SLA: variants seen among roughly 807,000 people sequenced by gnomAD.
SLA encodes the protein Src like adaptor.
SLA carries 16 observed loss-of-function variants against 30.3 expected under a neutral mutation model. The observed-to-expected ratio is 0.53, with a 90% CI of 0.36 to 0.80. SLA has a LOEUF of 0.80. SLA is among the 30% of genes least tolerant of loss of function. The pLI is 0.01. For missense variants in SLA, 310 were observed against 345.2 expected, an observed-to-expected ratio of 0.90 and a Z score of 0.81; for synonymous variants, 143 against 137.8, an observed-to-expected ratio of 1.04 and a Z score of -0.26.
At chr8:133,087,964 G>T (rs764364363) in intron 1 of SLA, 1 of 152,170 alleles carries the variant, frequency 6.6e-6, no homozygotes, top group Non-Finnish European at 1.5e-5. Context: ...TGAGTGTACC[G>T]CAAATTCTTC....
intron 1 of SLA, among the ~76,000 whole-genome samples, chr8:133,080,756 C>G (rs1845620283): frequency 6.6e-6 from 1 of 152,238 alleles, no homozygotes. Context: ...TGTAGACAAG[C>G]CCCTCACCTC....
At chr8:133,096,241 T>C in intron 1 of SLA, 1 of 1,614,178 alleles carries the variant, frequency 6.2e-7, no homozygotes, top group South Asian at 1.1e-5. Context: ...ACTACTGGGG[T>C]CCTGTGATCG....
At position 133,045,061 on chromosome 8, in the gene SLA, C is replaced by T. The variant is rs374316806; in HGVS notation, c.407G>A (p.Arg136His). 1.3e-5 allele frequency: 21 copies of T among 1,614,032 alleles called. No individual in the cohort carries two copies. Among genetic ancestry groups the T allele is most frequent in the Non-Finnish European group, 1.7e-5 (20 of 1,180,022 alleles). The change falls in exon 7 of 9, where the codon CGT becomes CAT. Residue 136 changes from arginine (R) to histidine (H), a missense_variant. Arg to His is a conservative substitution (Grantham distance 29). Transcript: ENST00000338087. ...AATGTAGTACCAGTTGTTGGGCAGA[C>T]GGAAAATGCGGTAATGCTTTACCTG... is the stretch of plus-strand genomic sequence containing the variant. ...HRQVKHYRIF[R>H]LPNNWYYISP...
At chr8:133,066,750 T>C (rs928350908) in intron 2 of SLA, among the ~76,000 whole-genome samples, 7 of 152,176 alleles carry the variant, frequency 4.6e-5, no homozygotes, top group African/African-American at 1.7e-4. Context: ...ATCCACTAAT[T>C]TGGGATACAA....
chr8:133,055,835 A>G (rs951160146), intron 3 of SLA, among the ~76,000 whole-genome samples: 1 of 11,574 alleles, frequency 8.6e-5, no homozygotes. Flanking sequence ...CAGCAGCAGC[A>G]GCAGCAGCAG....
intron 3 of SLA, among the ~76,000 whole-genome samples, chr8:133,056,819 G>A (rs760709173): frequency 3.0e-4 from 46 of 152,208 alleles, no homozygotes; most frequent in Non-Finnish European, 6.2e-4. Context: ...CTCTCGTTGT[G>A]TGTCAGTGCA....
At chr8:133,054,317 A>G (rs1055531295) in intron 3 of SLA, among the ~76,000 whole-genome samples, 2 of 152,200 alleles carry the variant, frequency 1.3e-5, no homozygotes, top group African/African-American at 2.4e-5. Context: ...TGCACTGCGC[A>G]TGAAAGAAGA....
At chr8:133,049,875 T>G (rs2131211058) in intron 5 of SLA, 27 bp downstream of exon 5, 1 of 1,411,502 alleles carries the variant, frequency 7.1e-7, no homozygotes, top group Non-Finnish European at 1.0e-6. Context: ...TCATGCTTAA[T>G]TGCTGCCATT....
chr8:133,066,398 C>G (rs1024035077), intron 2 of SLA, among the ~76,000 whole-genome samples: 1 of 151,476 alleles, frequency 6.6e-6, no homozygotes, highest in Non-Finnish European at 1.5e-5. Context: ...GGAATACTAG[C>G]TGTGCTTTTA....
chr8:133,098,308 T>C (rs990502187), intron 1 of SLA, among the ~76,000 whole-genome samples: 1 of 152,238 alleles, frequency 6.6e-6, no homozygotes, highest in Non-Finnish European at 1.5e-5. Context: ...CTTGTACTAA[T>C]ACCCTGAATT....
chr8:133,087,792 G>A (rs1347168360), intron 1 of SLA: 2 of 152,200 alleles, frequency 1.3e-5, no homozygotes, highest in Non-Finnish European at 2.9e-5. Flanking sequence ...CAGGCAGCAG[G>A]AGGTACCCTG....
intron 3 of SLA, among the ~76,000 whole-genome samples, chr8:133,058,252 G>A (rs1342127655): frequency 1.3e-5 from 2 of 152,104 alleles, no homozygotes; most frequent in Non-Finnish European, 2.9e-5. Flanking sequence ...AGGGCTGGGG[G>A]TTGAAAAAGC....
intron 1 of SLA, chr8:133,094,913 C>T: frequency 1.6e-6 from 2 of 1,230,418 alleles, no homozygotes; most frequent in South Asian, 1.2e-5. Context: ...TGTGTGCAGC[C>T]CCAGAATGGG....
intron 1 of SLA, among the ~76,000 whole-genome samples, chr8:133,078,067 C>G (rs1035390477): frequency 1.3e-5 from 2 of 152,208 alleles, no homozygotes; most frequent in Non-Finnish European, 2.9e-5. Context: ...GGACTCAGCT[C>G]TGCAGCACGT....
At chr8:133,083,495 G>A (rs2131550444) in intron 1 of SLA, among the ~76,000 whole-genome samples, 1 of 152,222 alleles carries the variant, frequency 6.6e-6, no homozygotes, top group African/African-American at 2.4e-5. Context: ...TGGTTAGAGG[G>A]GGTGTTGGAC....
At chr8:133,052,630 T>C (rs908030846) in intron 3 of SLA, among the ~76,000 whole-genome samples, 2 of 152,192 alleles carry the variant, frequency 1.3e-5, no homozygotes, top group Non-Finnish European at 2.9e-5. Context: ...ATTACAGTTG[T>C]GTTAAGTTTG....
At chr8:133,091,843 A>G (rs1847593225) in intron 1 of SLA, among the ~76,000 whole-genome samples, 1 of 151,216 alleles carries the variant, frequency 6.6e-6, no homozygotes, top group Non-Finnish European at 1.5e-5. Context: ...TTATGTGACC[A>G]TGAGTGTCTG....
At chr8:133,057,322 T>G (rs1011229719) in intron 3 of SLA, among the ~76,000 whole-genome samples, 2 of 152,140 alleles carry the variant, frequency 1.3e-5, no homozygotes, top group Non-Finnish European at 2.9e-5. Flanking sequence ...TATTAAAAAA[T>G]CCTGTACTGC....
chr8:133,077,728 G>GGTGT (rs1362624761), intron 1 of SLA, among the ~76,000 whole-genome samples: 13 of 117,972 alleles, frequency 1.1e-4, no homozygotes, highest in African/African-American at 2.9e-4. Flanking sequence ...GGCATTCTCT[G>GGTGT]GTGTGTATGT....
Sources: gnomAD v4.1 joint callset for allele counts (sites outside exome capture counted in the v4.1 genomes callset) on GRCh38, gnomAD v4.1.1 for gene constraint, MANE v1.5 for transcripts, NCBI Gene and HGNC (gene_info 2026-07-23, HGNC 2026-07-21) for gene names.